Variants in KCNQ3 observed in about 807,000 individuals in gnomAD.
The protein encoded by KCNQ3 is potassium voltage-gated channel subfamily Q member 3, also known as potassium voltage-gated channel subfamily KQT member 3.
KCNQ3 carries 30 observed loss-of-function variants against 92.5 expected under a neutral mutation model. That is an observed-to-expected ratio of 0.32 (90% CI 0.24 to 0.44). The LOEUF (loss-of-function observed/expected upper bound fraction) is 0.44, where lower values mean the gene tolerates loss of function less well. KCNQ3 is among the 20% of genes least tolerant of loss of function. The probability of loss-of-function intolerance (pLI) is 1.00; values close to 1 mark genes in which losing one functional copy is unlikely to be tolerated. For missense variants in KCNQ3, 913 were observed against 1,140.3 expected (o/e 0.80, Z 2.87); for synonymous variants, 450 against 468.8 (o/e 0.96, Z 0.52).
chr8:132,276,460 C>T (rs1487508267), intron 1 of KCNQ3, among the ~76,000 whole-genome samples: 1 of 152,142 alleles, frequency 6.6e-6, no homozygotes, highest in Non-Finnish European at 1.5e-5. Context: ...CCCTCCCCAG[C>T]CCCTGCAATG....
In KCNQ3 at chr8:132,258,184, A is replaced by G. The variant is rs7002759; in HGVS notation, c.387-72003T>C. On this transcript the variant is annotated intron_variant, in intron 1 of 14. Transcript: ENST00000388996. ...AGACATAACAGACAACTATAGAACA[A>G]TCCACCCAACAACAGCAGAATGCAC... is the stretch of plus-strand genomic sequence containing the variant. Among the ~76,000 whole-genome samples, 705 of 152,286 alleles carry G rather than the reference A, an allele frequency of 4.6e-3. 5 individuals are homozygous for G. The highest frequency in any genetic ancestry group is 0.016 in the African/African-American group (670 of 41,572).
At chr8:132,392,826 A>C (rs981184933) in intron 1 of KCNQ3, among the ~76,000 whole-genome samples, 2 of 150,496 alleles carry the variant, frequency 1.3e-5, no homozygotes, top group Non-Finnish European at 3.0e-5. Flanking sequence ...ACGACAAAAA[A>C]CTGCAACATT....
At chr8:132,379,083 T>C (rs1227217945) in intron 1 of KCNQ3, among the ~76,000 whole-genome samples, 1 of 152,194 alleles carries the variant, frequency 6.6e-6, no homozygotes, top group Non-Finnish European at 1.5e-5. Context: ...TGCATTTTGG[T>C]TGGCTGTTAC....
At chr8:132,241,954 G>GT (rs1815012574) in intron 1 of KCNQ3, among the ~76,000 whole-genome samples, 1 of 152,182 alleles carries the variant, frequency 6.6e-6, no homozygotes, top group Non-Finnish European at 1.5e-5. Context: ...ACTGAAAACT[G>GT]TATCAAGCAT....
At chr8:132,465,009 C>G (rs1039682483) in intron 1 of KCNQ3, among the ~76,000 whole-genome samples, 8 of 152,114 alleles carry the variant, frequency 5.3e-5, no homozygotes, top group African/African-American at 1.9e-4. Flanking sequence ...CCCAGTCAAA[C>G]AAGATATGTT....
At chr8:132,370,695 G>A (rs1819450556) in intron 1 of KCNQ3, among the ~76,000 whole-genome samples, 1 of 152,216 alleles carries the variant, frequency 6.6e-6, no homozygotes, top group Admixed American at 6.5e-5. Flanking sequence ...CTGGGGAGCA[G>A]AGCCCATAGC....
intron 1 of KCNQ3, among the ~76,000 whole-genome samples, chr8:132,186,931 TGTGAGAGAGAGA>T (rs1170728017): frequency 9.1e-6 from 1 of 110,230 alleles, no homozygotes; most frequent in Admixed American, 9.6e-5. Context: ...TGTGTGTGTG[TGTGAGAGAGAGA>T]GAGAGAGAGA....
At chr8:132,456,200 G>A (rs1821934724) in intron 1 of KCNQ3, among the ~76,000 whole-genome samples, 1 of 152,116 alleles carries the variant, frequency 6.6e-6, no homozygotes, top group Non-Finnish European at 1.5e-5. Context: ...TGAAACACAA[G>A]CCACATTTTC....
intron 1 of KCNQ3, among the ~76,000 whole-genome samples, chr8:132,365,863 C>T (rs1483803739): frequency 6.6e-6 from 1 of 152,106 alleles, no homozygotes; most frequent in Non-Finnish European, 1.5e-5. Flanking sequence ...AACCCTGTCT[C>T]TACCAAAAAT....
intron 1 of KCNQ3, among the ~76,000 whole-genome samples, chr8:132,268,488 A>G (rs1312197997): frequency 6.6e-6 from 1 of 152,054 alleles, no homozygotes; most frequent in Non-Finnish European, 1.5e-5. Flanking sequence ...CAATCTCCTG[A>G]TCTCAAGTAA....
At chr8:132,299,054 A>C (rs1161560168) in intron 1 of KCNQ3, among the ~76,000 whole-genome samples, 1 of 151,324 alleles carries the variant, frequency 6.6e-6, no homozygotes, top group Non-Finnish European at 1.5e-5. Flanking sequence ...TATTTAGATA[A>C]CTGTTCCTAT....
intron 1 of KCNQ3, among the ~76,000 whole-genome samples, chr8:132,276,218 G>A (rs1467146078): frequency 1.3e-5 from 2 of 152,110 alleles, no homozygotes; most frequent in Admixed American, 6.5e-5. Context: ...TACCCCCAAC[G>A]CAGGTTAGAA....
chr8:132,415,725 C>T (rs1161763638), intron 1 of KCNQ3, among the ~76,000 whole-genome samples: 1 of 151,536 alleles, frequency 6.6e-6, no homozygotes, highest in African/African-American at 2.4e-5. Flanking sequence ...TGTGCATTCT[C>T]AACGGGACAA....
chr8:132,158,386 C>T (rs16904607), intron 9 of KCNQ3, among the ~76,000 whole-genome samples: 15,045 of 152,190 alleles, frequency 0.099, 813 homozygotes, highest in South Asian at 0.13. Context: ...GAAGGCAAAG[C>T]GTGAATTATA....
At chr8:132,151,214 A>G (rs1380040236) in intron 9 of KCNQ3, among the ~76,000 whole-genome samples, 1 of 152,242 alleles carries the variant, frequency 6.6e-6, no homozygotes, top group Non-Finnish European at 1.5e-5. Flanking sequence ...GGCTGCATCT[A>G]GCACATAATC....
chr8:132,401,303 T>A (rs754514991), intron 1 of KCNQ3, among the ~76,000 whole-genome samples: 13 of 152,240 alleles, frequency 8.5e-5, no homozygotes, highest in South Asian at 4.1e-4. Flanking sequence ...TTCACCCACT[T>A]CCACTCCACT....
chr8:132,163,097 C>G (rs920351687), intron 9 of KCNQ3, among the ~76,000 whole-genome samples: 2 of 152,150 alleles, frequency 1.3e-5, no homozygotes, highest in African/African-American at 4.8e-5. Context: ...TTGCACCTGA[C>G]TTTGAATTTT....
chr8:132,130,073 T>A, intron 14 of KCNQ3, 77 bp from the exon 15 acceptor site: 1 of 1,412,482 alleles, frequency 7.1e-7, no homozygotes, highest in Non-Finnish European at 9.6e-7. Context: ...GAGGAAATAT[T>A]CTTTTTTTTT....
intron 1 of KCNQ3, among the ~76,000 whole-genome samples, chr8:132,451,933 T>C (rs1395444347): frequency 1.3e-5 from 2 of 152,098 alleles, no homozygotes; most frequent in African/African-American, 4.8e-5. Context: ...AATGGGACAT[T>C]TTCAAATGAA....
Sources: allele counts gnomAD v4.1 joint callset (sites outside exome capture counted in the v4.1 genomes callset), GRCh38; gene constraint gnomAD v4.1.1; transcripts MANE v1.5; gene names NCBI Gene and HGNC (gene_info 2026-07-23, HGNC 2026-07-21).